The following TMEM117 variants were observed in gnomAD, a reference collection of about 807,000 sequenced individuals.
The protein encoded by TMEM117 is transmembrane protein 117.
TMEM117 carries 27 observed loss-of-function variants against 52.4 expected under a neutral mutation model. The ratio of observed to expected loss-of-function variants is 0.51; its 90% CI spans 0.38 to 0.71. The LOEUF is 0.71. Among genes scored for constraint, TMEM117 ranks in the 30% least tolerant of loss-of-function variants. TMEM117 has a pLI of 0.00. For missense variants in TMEM117, 556 were observed against 630.5 expected (o/e 0.88, Z 1.26); for synonymous variants, 215 against 206.3 (o/e 1.04, Z -0.36).
intron 2 of TMEM117, among the ~76,000 whole-genome samples, chr12:43,938,029 A>G (rs1944981136): frequency 6.6e-6 from 1 of 151,996 alleles, no homozygotes; most frequent in East Asian, 1.9e-4. Context: ...CAGTGGAGGT[A>G]AAAGAATTCT....
chr12:44,151,831 A>T (rs942641217), intron 4 of TMEM117, among the ~76,000 whole-genome samples: 6 of 137,188 alleles, frequency 4.4e-5, no homozygotes, highest in Non-Finnish European at 7.6e-5. Flanking sequence ...ACATATTTAG[A>T]ATAATGTTTA....
chr12:44,153,212 TAA>T (rs1948780154), intron 4 of TMEM117, among the ~76,000 whole-genome samples: 1 of 152,004 alleles, frequency 6.6e-6, no homozygotes, highest in South Asian at 2.1e-4. Flanking sequence ...CTTAGGAGGT[TAA>T]GTGTCTTGCC....
chr12:44,202,707 A>G lies in TMEM117; in HGVS notation c.511-8583A>G, dbSNP rs192569668. Among the ~76,000 whole-genome samples, 176 of 152,170 alleles carry G rather than the reference A, an allele frequency of 1.2e-3. 1 individual carries two copies. The highest frequency in any genetic ancestry group is 2.6e-3 in the Admixed American group (40 of 15,274). Reference sequence around the variant, plus strand: ...CTTCCTTGATTTTTGGAATAATTTCAGTAGGATTGGTACTAGCTCTTCTTG... The same window carrying G: ...CTTCCTTGATTTTTGGAATAATTTCGGTAGGATTGGTACTAGCTCTTCTTG... On this transcript the variant is annotated intron_variant, in intron 4 of 7. Transcript: ENST00000266534.
intron 4 of TMEM117, among the ~76,000 whole-genome samples, chr12:44,172,333 A>T (rs1949057827): frequency 6.6e-6 from 1 of 152,120 alleles, no homozygotes; most frequent in African/African-American, 2.4e-5. Flanking sequence ...CCACTAGAGG[A>T]GGATCCTTTC....
chr12:44,181,312 A>G (rs968098338), intron 4 of TMEM117, among the ~76,000 whole-genome samples: 6 of 151,552 alleles, frequency 4.0e-5, no homozygotes, highest in Non-Finnish European at 4.4e-5. Context: ...TTGCCTGTTC[A>G]CTCTGATGGT....
chr12:44,323,221 T>A (rs1951155014), intron 6 of TMEM117, among the ~76,000 whole-genome samples: 1 of 152,142 alleles, frequency 6.6e-6, no homozygotes, highest in Non-Finnish European at 1.5e-5. Flanking sequence ...GTGAGACCCA[T>A]TTTGAACTTT....
At chr12:44,365,521 C>T (rs992637057) in intron 6 of TMEM117, among the ~76,000 whole-genome samples, 2 of 151,950 alleles carry the variant, frequency 1.3e-5, no homozygotes, top group South Asian at 2.1e-4. Context: ...GGTACAAATC[C>T]TTTTGGTATC....
chr12:44,281,737 G>T (rs1950579422), intron 5 of TMEM117, among the ~76,000 whole-genome samples: 2 of 151,964 alleles, frequency 1.3e-5, no homozygotes. Context: ...AGTACTGTAG[G>T]TATCATTTTA....
chr12:44,067,878 C>T (rs768770472), intron 3 of TMEM117, among the ~76,000 whole-genome samples: 26 of 152,174 alleles, frequency 1.7e-4, no homozygotes, highest in East Asian at 1.2e-3. Flanking sequence ...AAGTCTTAGA[C>T]GGCATCTTCT....
At chr12:44,296,346 C>T (rs1950769055) in intron 5 of TMEM117, among the ~76,000 whole-genome samples, 1 of 152,100 alleles carries the variant, frequency 6.6e-6, no homozygotes, top group African/African-American at 2.4e-5. Context: ...AGAGAGTGTG[C>T]TTCAGGGTCC....
intron 2 of TMEM117, among the ~76,000 whole-genome samples, chr12:43,867,360 G>T (rs1943620499): frequency 6.6e-6 from 1 of 152,098 alleles, no homozygotes; most frequent in South Asian, 2.1e-4. Context: ...ACCTAAATAG[G>T]ATGTAAATTA....
At chr12:44,211,473 GA>G in intron 5 of TMEM117, 86 bp downstream of exon 5, 1 of 911,358 alleles carries the variant, frequency 1.1e-6, no homozygotes, top group Non-Finnish European at 1.7e-6. Flanking sequence ...TACAATTATA[GA>G]ATTCTATCTA....
intron 3 of TMEM117, among the ~76,000 whole-genome samples, chr12:44,133,527 G>A (rs528325251): frequency 2.3e-4 from 35 of 151,854 alleles, no homozygotes; most frequent in African/African-American, 8.5e-4. Context: ...TTTGACCGTG[G>A]TCTGATAGCT....
intron 3 of TMEM117, among the ~76,000 whole-genome samples, chr12:44,098,049 G>T (rs1162720703): frequency 6.6e-6 from 1 of 151,886 alleles, no homozygotes; most frequent in Non-Finnish European, 1.5e-5. Flanking sequence ...TGTATAAAAT[G>T]GCCCCAGGGT....
intron 3 of TMEM117, among the ~76,000 whole-genome samples, chr12:44,125,392 C>G (rs1352415096): frequency 6.6e-6 from 1 of 152,196 alleles, no homozygotes; most frequent in African/African-American, 2.4e-5. Flanking sequence ...CAGGCGTGAG[C>G]CACTGCGCCC....
At chr12:43,946,716 C>T (rs1945139790) in intron 3 of TMEM117, among the ~76,000 whole-genome samples, 1 of 152,004 alleles carries the variant, frequency 6.6e-6, no homozygotes, top group Non-Finnish European at 1.5e-5. Context: ...GATGGTTGAC[C>T]CTGTTACTCA....
At chr12:44,205,897 A>G (rs1438124519) in intron 4 of TMEM117, among the ~76,000 whole-genome samples, 3 of 152,162 alleles carry the variant, frequency 2.0e-5, no homozygotes, top group African/African-American at 7.2e-5. Flanking sequence ...TGACCTTCCA[A>G]TCCCATTACT....
chr12:44,142,585 T>C (rs1223202332), intron 3 of TMEM117, among the ~76,000 whole-genome samples: 1 of 152,114 alleles, frequency 6.6e-6, no homozygotes. Flanking sequence ...TATTTTAAAA[T>C]TAAGAAGAAT....
intron 6 of TMEM117, among the ~76,000 whole-genome samples, chr12:44,357,569 G>A (rs1405698391): frequency 6.6e-6 from 1 of 152,000 alleles, no homozygotes; most frequent in South Asian, 2.1e-4. Context: ...AAAAATGGTA[G>A]CGTTTCCATG....
Sources: allele counts gnomAD v4.1 joint callset (sites outside exome capture counted in the v4.1 genomes callset), GRCh38; gene constraint gnomAD v4.1.1; transcripts MANE v1.5; gene names NCBI Gene and HGNC (gene_info 2026-07-23, HGNC 2026-07-21).